Variants in PCDHA8 observed in about 807,000 individuals in gnomAD.
PCDHA8 encodes protocadherin alpha 8.
PCDHA8 carries 53 observed loss-of-function variants against 61.8 expected under a neutral mutation model. The observed-to-expected ratio is 0.86, with a 90% confidence interval of 0.69 to 1.08. PCDHA8 has a LOEUF of 1.08. Ranked by LOEUF, PCDHA8 falls within the 50% of genes least tolerant of loss-of-function variation. PCDHA8 has a pLI of 0.00. For synonymous variants in PCDHA8, 618 were observed against 556.6 expected, an observed-to-expected ratio of 1.11 and a Z score of -1.55; for missense variants, 1,293 against 1,245.0, an observed-to-expected ratio of 1.04 and a Z score of -0.58.
intron 1 of PCDHA8, among the ~76,000 whole-genome samples, chr5:140,933,436 A>G (rs1554209364): frequency 6.6e-6 from 1 of 152,102 alleles, no homozygotes; most frequent in Non-Finnish European, 1.5e-5. Flanking sequence ...GGGGCACTCT[A>G]ATGACATACC....
At chr5:140,876,337 G>T (rs1554168488) in intron 1 of PCDHA8, 1 of 1,614,016 alleles carries the variant, frequency 6.2e-7, no homozygotes, top group Admixed American at 1.7e-5. Flanking sequence ...GCCAGTGAGT[G>T]AGAAATGTAT....
intron 1 of PCDHA8, among the ~76,000 whole-genome samples, chr5:140,971,149 G>C (rs2096459410): frequency 1.3e-5 from 2 of 152,200 alleles, no homozygotes; most frequent in Admixed American, 1.3e-4. Context: ...GAACAAGTCA[G>C]GCCAGGCTCA....
rs529065220 is a variant in PCDHA8, at chr5:140,930,291, C to T, written c.2395-48658C>T. On this transcript the variant is annotated intron_variant, in intron 1 of 3. Transcript: ENST00000531613. ...TATTTTAGGGGACAAATACACTTAA[C>T]AAATAAGTAAATATCATATTTGAGA... The T allele has an allele frequency of 2.6e-5, 4 of 152,208 alleles. No homozygotes were observed. The South Asian group carries it at 8.3e-4, about 32-fold the overall frequency. 9.4% of individuals were successfully genotyped at this position (152,208 alleles called of 1,614,324 possible). A position where few individuals can be genotyped will look rare whatever the true frequency, so the allele number is the denominator to read the frequency against.
At chr5:140,980,623 T>C (rs1554242045) in intron 2 of PCDHA8, among the ~76,000 whole-genome samples, 1 of 152,102 alleles carries the variant, frequency 6.6e-6, no homozygotes, top group African/African-American at 2.4e-5. Flanking sequence ...TGCGAGACTC[T>C]GTCTCAGAAG....
chr5:140,928,807 C>G (rs782261335), intron 1 of PCDHA8: 1 of 1,614,094 alleles, frequency 6.2e-7, no homozygotes, highest in Admixed American at 1.7e-5. Context: ...GGTAGTGGTT[C>G]GGGACCATGG....
At chr5:140,980,910 T>G (rs1554242463) in intron 2 of PCDHA8, among the ~76,000 whole-genome samples, 1 of 152,206 alleles carries the variant, frequency 6.6e-6, no homozygotes, top group East Asian at 1.9e-4. Context: ...ATGTAACTAT[T>G]CTTTAAAAAA....
chr5:140,965,435 T>C (rs1327952223), intron 1 of PCDHA8, among the ~76,000 whole-genome samples: 1 of 151,992 alleles, frequency 6.6e-6, no homozygotes, highest in Non-Finnish European at 1.5e-5. Context: ...CTGCAGTCAT[T>C]GAAATTGCTG....
At chr5:140,863,178 C>A (rs1420894530) in intron 1 of PCDHA8, 10 of 736,748 alleles carry the variant, frequency 1.4e-5, no homozygotes, top group Admixed American at 1.3e-4. Context: ...TGACTGCCAC[C>A]GTCACCGTGG....
At chr5:140,895,868 A>G (rs555320203) in intron 1 of PCDHA8, among the ~76,000 whole-genome samples, 5 of 152,228 alleles carry the variant, frequency 3.3e-5, no homozygotes, top group Admixed American at 6.5e-5. Flanking sequence ...CTGGAGTGCA[A>G]TGGCGCGATC....
At chr5:140,888,128 T>C (rs1365856723) in intron 1 of PCDHA8, among the ~76,000 whole-genome samples, 1 of 152,248 alleles carries the variant, frequency 6.6e-6, no homozygotes, top group Non-Finnish European at 1.5e-5. Flanking sequence ...TCTATGGATA[T>C]ATTTTCTTGC....
intron 3 of PCDHA8, among the ~76,000 whole-genome samples, chr5:140,994,615 G>C (rs2097641272): frequency 6.6e-6 from 1 of 152,078 alleles, no homozygotes; most frequent in Admixed American, 6.6e-5. Context: ...TGAGGCACGA[G>C]AGTCACTTGA....
chr5:140,932,790 A>G (rs917083739), intron 1 of PCDHA8, among the ~76,000 whole-genome samples: 21 of 152,066 alleles, frequency 1.4e-4, no homozygotes, highest in African/African-American at 5.1e-4. Flanking sequence ...GACATAAGAG[A>G]AAAGCAATAC....
Position 140,850,388 on chromosome 5 carries a change from C to G in PCDHA8, c.2394+6673C>G. On this transcript the variant is annotated intron_variant, in intron 1 of 3. Coordinates refer to ENST00000531613, the MANE Select transcript of PCDHA8 (RefSeq NM_018911.3). Reference sequence around the variant, plus strand: ...GCGTGGGGCTGTACACGGGCGAGATCAGCACAACGCGTGCCCTGGACGAAA... The same window carrying G: ...GCGTGGGGCTGTACACGGGCGAGATGAGCACAACGCGTGCCCTGGACGAAA... 1.9e-6 allele frequency: 3 copies of G among 1,597,966 alleles called. No individual in the cohort carries two copies. In the African/African-American group the frequency reaches 4.0e-5, roughly 21 times the overall value.
At chr5:140,985,616 G>C in intron 3 of PCDHA8, among the ~76,000 whole-genome samples, 1 of 152,104 alleles carries the variant, frequency 6.6e-6, no homozygotes, top group African/African-American at 2.4e-5. Flanking sequence ...CCGTGAACCA[G>C]CTGTGTATTG....
At chr5:140,928,165 C>T (rs1554205580) in intron 1 of PCDHA8, 3 of 1,614,200 alleles carry the variant, frequency 1.9e-6, no homozygotes, top group East Asian at 2.2e-5. Context: ...CTCACCCCCA[C>T]TTAGCACCCG....
At chr5:140,849,851 A>C (rs148732691) in intron 1 of PCDHA8, 9 of 1,598,252 alleles carry the variant, frequency 5.6e-6, no homozygotes, top group East Asian at 4.5e-5. Context: ...ACGACAACGC[A>C]CCAGCGTTCG....
At chr5:140,940,372 AGTT>A (rs2092600737) in intron 1 of PCDHA8, among the ~76,000 whole-genome samples, 1 of 151,970 alleles carries the variant, frequency 6.6e-6, no homozygotes, top group Non-Finnish European at 1.5e-5. Flanking sequence ...GTATTCCTTG[AGTT>A]GTTAATTTTG....
chr5:140,861,667 T>G (rs1459883845), intron 1 of PCDHA8: 1 of 254,356 alleles, frequency 3.9e-6, no homozygotes, highest in Admixed American at 4.6e-5. Context: ...CGAGAGCTCT[T>G]GATTATCGTG....
intron 1 of PCDHA8, among the ~76,000 whole-genome samples, chr5:140,938,740 A>T (rs1308554709): frequency 1.3e-5 from 2 of 152,150 alleles, no homozygotes; most frequent in East Asian, 3.8e-4. Flanking sequence ...AAAAATAATT[A>T]TTTTTAAAGG....
Sources: allele counts gnomAD v4.1 joint callset (sites outside exome capture counted in the v4.1 genomes callset), GRCh38; gene constraint gnomAD v4.1.1; transcripts MANE v1.5; gene names NCBI Gene and HGNC (gene_info 2026-07-23, HGNC 2026-07-21).